The following KIAA2012 variants were observed in gnomAD, a reference collection of about 807,000 sequenced individuals.
KIAA2012 encodes the protein KIAA2012.
Under a neutral mutation model 150.6 loss-of-function variants are expected in KIAA2012, and 125 were observed. The ratio of observed to expected loss-of-function variants is 0.83; its 90% confidence interval spans 0.72 to 0.96. The LOEUF is 0.96. Among genes scored for constraint, KIAA2012 ranks in the 40% least tolerant of loss-of-function variants. The probability of loss-of-function intolerance (pLI) is 0.00; values close to 1 mark genes in which losing one functional copy is unlikely to be tolerated. For synonymous variants in KIAA2012, 462 were observed against 504.7 expected, an observed-to-expected ratio of 0.92 and a Z score of 1.13; for missense variants, 1,219 against 1,354.9, an observed-to-expected ratio of 0.90 and a Z score of 1.57.
intron 9 of KIAA2012, among the ~76,000 whole-genome samples, chr2:202,106,698 A>T (rs1690202770): frequency 7.4e-6 from 1 of 135,080 alleles, no homozygotes; most frequent in Admixed American, 7.1e-5. Flanking sequence ...AAATAAAAAA[A>T]AAAAATTTTT....
intron 5 of KIAA2012, among the ~76,000 whole-genome samples, chr2:202,098,829 C>T (rs1045352961): frequency 3.9e-4 from 56 of 144,750 alleles, no homozygotes; most frequent in East Asian, 2.3e-3. Flanking sequence ...TGCACGCGCG[C>T]GCGCGCGCAG....
intron 11 of KIAA2012, 196 bp downstream of exon 11, chr2:202,113,642 A>C: frequency 1.8e-6 from 1 of 556,984 alleles, no homozygotes. Flanking sequence ...TAACAAGTTT[A>C]CTCTTGCTGG....
intron 11 of KIAA2012, chr2:202,117,165 G>A (rs1690548761): frequency 6.6e-6 from 1 of 152,128 alleles, no homozygotes; most frequent in South Asian, 2.1e-4. Context: ...GCATAACAAA[G>A]GTTTATTGTT....
At chr2:202,182,429 C>T (rs1370076640) in intron 15 of KIAA2012, among the ~76,000 whole-genome samples, 3 of 151,966 alleles carry the variant, frequency 2.0e-5, no homozygotes, top group South Asian at 2.1e-4. Context: ...TGTACTTTTT[C>T]GTATGATTTC....
chr2:202,123,599 A>G (rs1007075381), intron 11 of KIAA2012, among the ~76,000 whole-genome samples: 27 of 152,104 alleles, frequency 1.8e-4, no homozygotes, highest in Non-Finnish European at 3.2e-4. Flanking sequence ...GTCAAGCCCC[A>G]CCGCAGTTTA....
intron 11 of KIAA2012, among the ~76,000 whole-genome samples, chr2:202,117,726 T>C (rs1575021471): frequency 1.3e-5 from 2 of 152,140 alleles, no homozygotes; most frequent in African/African-American, 4.8e-5. Context: ...ACAGGCATTG[T>C]GTAAAAAAGG....
chr2:202,134,801 C>T (rs528881501), intron 12 of KIAA2012, among the ~76,000 whole-genome samples: 2 of 152,128 alleles, frequency 1.3e-5, no homozygotes, highest in Admixed American at 1.3e-4. Flanking sequence ...GTGATCCGCC[C>T]GCCTTGGCCT....
intron 12 of KIAA2012, 189 bp from the exon 13 acceptor site, chr2:202,138,243 G>A: frequency 7.4e-6 from 4 of 542,338 alleles, no homozygotes; most frequent in Admixed American, 6.6e-5. Flanking sequence ...TTAACATGGT[G>A]TTTAGGCTAT....
At chr2:202,125,408 A>G in intron 12 of KIAA2012, 126 bp downstream of exon 12, 1 of 727,958 alleles carries the variant, frequency 1.4e-6, no homozygotes, top group Non-Finnish European at 2.3e-6. Context: ...AGTAGCAGAG[A>G]GGATTTGCTT....
At chr2:202,095,953 G>A (rs919750946) in intron 4 of KIAA2012, among the ~76,000 whole-genome samples, 9 of 152,104 alleles carry the variant, frequency 5.9e-5, no homozygotes, top group Non-Finnish European at 1.5e-5. Flanking sequence ...GCATGGTGGT[G>A]CATGCCTATA....
At chr2:202,126,174 C>T (rs933132310) in intron 12 of KIAA2012, among the ~76,000 whole-genome samples, 4 of 151,792 alleles carry the variant, frequency 2.6e-5, no homozygotes, top group East Asian at 3.9e-4. Flanking sequence ...AGGCTGGTCT[C>T]GAACTCCTGA....
intron 2 of KIAA2012, among the ~76,000 whole-genome samples, chr2:202,082,849 ATT>A (rs34900065): frequency 0.22 from 31,943 of 142,208 alleles, 4,000 homozygotes; most frequent in Non-Finnish European, 0.31. Context: ...GTCCAATTTC[ATT>A]TTTTTTTTTT....
At chr2:202,161,307 T>C (rs1105935) in intron 14 of KIAA2012, among the ~76,000 whole-genome samples, 21,187 of 152,198 alleles carry the variant, frequency 0.14, 1,763 homozygotes, top group Non-Finnish European at 0.17. Flanking sequence ...CCCAGTCTTA[T>C]AATACCACAC....
At position 202,073,711 on chromosome 2, in the gene KIAA2012, G is replaced by A; in HGVS notation, c.84G>A (p.Glu28=). The A allele has an allele frequency of 1.3e-6, 2 of 1,550,294 alleles. No individual in the cohort carries two copies. The highest frequency in any genetic ancestry group is 1.7e-6 in the Non-Finnish European group (2 of 1,146,856). The change falls in exon 1 of 24, where the codon GAG becomes GAA. Residue 28 remains glutamate, a splice_region_variant and synonymous_variant. Coordinates refer to ENST00000498697, the MANE Select transcript of KIAA2012 (RefSeq NM_001277372.4). ...KQKLEVYFEP[E]DYLNWRSPED... is the part of the protein sequence containing the mutation. ...AGTTAGAAGTCTACTTTGAACCAGAGGTGAGTCCCACAGCTGAAGAAAGGC... is the reference window on the plus strand; with the variant it reads ...AGTTAGAAGTCTACTTTGAACCAGAAGTGAGTCCCACAGCTGAAGAAAGGC...
chr2:202,154,783 GCACA>G lies in KIAA2012; in HGVS notation c.2020_2023del (p.His674SerfsTer3). The G allele has an allele frequency of 6.5e-7, 1 of 1,548,816 alleles. No homozygotes were observed. Among genetic ancestry groups the G allele is most frequent in the South Asian group, 1.2e-5 (1 of 83,506 alleles). ...GAAAAGAATTTTACACGCGCAAGCT[GCACA>G]TCGACATGACGCCGTTCCTGAAGGT... On this transcript the variant is annotated frameshift_variant, in exon 14 of 24. Coordinates refer to ENST00000498697, the MANE Select transcript of KIAA2012 (RefSeq NM_001277372.4). LOFTEE classifies it high-confidence loss of function.
At chr2:202,107,623 C>T (rs1235321178) in intron 9 of KIAA2012, among the ~76,000 whole-genome samples, 3 of 152,156 alleles carry the variant, frequency 2.0e-5, no homozygotes, top group South Asian at 2.1e-4. Flanking sequence ...TCCTCTGCCA[C>T]TCTGCCAGGA....
chr2:202,201,588 G>A (rs1692526792), intron 22 of KIAA2012: 2 of 1,610,212 alleles, frequency 1.2e-6, no homozygotes, highest in Admixed American at 1.7e-5. Context: ...TGTGGAGCCA[G>A]GTGGATAGAT....
chr2:202,086,139 G>C (rs1278293971), intron 2 of KIAA2012, among the ~76,000 whole-genome samples: 1 of 138,216 alleles, frequency 7.2e-6, no homozygotes, highest in Non-Finnish European at 1.5e-5. Flanking sequence ...CTGCACTCCA[G>C]CCTGGGTGAA....
At chr2:202,107,634 G>A (rs1338928018) in intron 9 of KIAA2012, among the ~76,000 whole-genome samples, 3 of 152,120 alleles carry the variant, frequency 2.0e-5, no homozygotes, top group Non-Finnish European at 4.4e-5. Flanking sequence ...TCTGCCAGGA[G>A]GAAACTGGTT....
Sources: gnomAD v4.1 joint callset for allele counts (sites outside exome capture counted in the v4.1 genomes callset) on GRCh38, gnomAD v4.1.1 for gene constraint, MANE v1.5 for transcripts, NCBI Gene and HGNC (gene_info 2026-07-23, HGNC 2026-07-21) for gene names.